The following FBXW7 variants were observed in gnomAD, a reference collection of about 807,000 sequenced individuals.
The protein encoded by FBXW7 is F-box and WD repeat domain containing 7, also known as F-box/WD repeat-containing protein 7.
In FBXW7, 11 loss-of-function variants were observed where a neutral mutation model predicts 86.3. The ratio of observed to expected loss-of-function variants is 0.13; its 90% CI spans 0.08 to 0.21. The LOEUF is 0.21. Ranked by LOEUF, FBXW7 falls within the 10% of genes least tolerant of loss-of-function variation. The pLI is 1.00. For synonymous variants in FBXW7, 313 were observed against 297.9 expected, an observed-to-expected ratio of 1.05 and a Z score of -0.52; for missense variants, 488 against 847.4, an observed-to-expected ratio of 0.58 and a Z score of 5.27.
intron 2 of FBXW7, among the ~76,000 whole-genome samples, chr4:152,499,692 C>G (rs751987679): frequency 2.6e-5 from 4 of 152,062 alleles, no homozygotes; most frequent in Non-Finnish European, 5.9e-5. Flanking sequence ...GGACCACAGG[C>G]TCACGCAGCC....
chr4:152,516,537 T>C (rs1748512823), intron 2 of FBXW7, among the ~76,000 whole-genome samples: 1 of 152,244 alleles, frequency 6.6e-6, no homozygotes, highest in African/African-American at 2.4e-5. Context: ...TGTAGAGCGA[T>C]GGAAAACTAA....
intron 3 of FBXW7, 68 bp from the exon 4 acceptor site, chr4:152,411,940 A>G: frequency 7.4e-7 from 1 of 1,350,136 alleles, no homozygotes; most frequent in Middle Eastern, 2.6e-4. Flanking sequence ...TTCATGTTAT[A>G]TGTCTACTTT....
intron 4 of FBXW7, among the ~76,000 whole-genome samples, chr4:152,365,579 G>C (rs1733405646): frequency 6.6e-6 from 1 of 152,174 alleles, no homozygotes; most frequent in Non-Finnish European, 1.5e-5. Flanking sequence ...AAGTAAAAAA[G>C]AGGAAGGTAT....
At chr4:152,360,657 C>T (rs1462879617) in intron 4 of FBXW7, among the ~76,000 whole-genome samples, 2 of 152,004 alleles carry the variant, frequency 1.3e-5, no homozygotes, top group East Asian at 3.9e-4. Flanking sequence ...TCTCAGAAAC[C>T]GTTCATCAGG....
At chr4:152,531,713 A>G (rs1750038692) in intron 2 of FBXW7, among the ~76,000 whole-genome samples, 1 of 152,180 alleles carries the variant, frequency 6.6e-6, no homozygotes, top group Non-Finnish European at 1.5e-5. Context: ...TCACTTCGTC[A>G]TATCAAGACC....
chr4:152,342,947 A>C (rs1730888557), intron 6 of FBXW7, among the ~76,000 whole-genome samples: 1 of 152,198 alleles, frequency 6.6e-6, no homozygotes, highest in Non-Finnish European at 1.5e-5. Flanking sequence ...TGTCCCAAAT[A>C]CAATTTCAAA....
At position 152,322,503 on chromosome 4, in the gene FBXW7, G is replaced by A. The variant is rs753031823; in HGVS notation, c.*378C>T. On this transcript the variant is annotated 3_prime_UTR_variant, in exon 14 of 14. Transcript: ENST00000281708. ...CCTTTCTAGGTGTCTAGCTGTCAGTGGTAAAAGAACAGGCTAGCAGAATCT... is the reference window on the plus strand; with the variant it reads ...CCTTTCTAGGTGTCTAGCTGTCAGTAGTAAAAGAACAGGCTAGCAGAATCT... The A allele has an allele frequency of 3.9e-6, 1 of 255,094 alleles. No individual in the cohort carries two copies. The highest frequency in any genetic ancestry group is 5.6e-5 in the East Asian group (1 of 17,836). 15.8% of individuals were successfully genotyped at this position (255,094 alleles called of 1,614,324 possible). A position where few individuals can be genotyped will look rare whatever the true frequency, so the allele number is the denominator to read the frequency against.
At chr4:152,407,115 T>C (rs1048618432) in intron 4 of FBXW7, among the ~76,000 whole-genome samples, 2 of 152,210 alleles carry the variant, frequency 1.3e-5, no homozygotes, top group Non-Finnish European at 2.9e-5. Flanking sequence ...ACTGAGATTA[T>C]ATACTCATGG....
chr4:152,336,579 T>C (rs1480529568), intron 7 of FBXW7, among the ~76,000 whole-genome samples: 1 of 152,106 alleles, frequency 6.6e-6, no homozygotes, highest in Non-Finnish European at 1.5e-5. Flanking sequence ...GTGTTTCCCA[T>C]TATTAATGCC....
At chr4:152,421,296 T>G (rs1369862112) in intron 2 of FBXW7, among the ~76,000 whole-genome samples, 2 of 152,248 alleles carry the variant, frequency 1.3e-5, no homozygotes, top group African/African-American at 4.8e-5. Context: ...GGGAATGTTA[T>G]GGTTGATTTG....
At position 152,337,945 on chromosome 4, in the gene FBXW7, G is replaced by A. The variant is rs778623815; in HGVS notation, c.727-9C>T. 1.3e-5 allele frequency: 20 copies of A among 1,590,098 alleles called. No homozygotes were observed. The African/African-American group carries it at 2.6e-4, about 21-fold the overall frequency. On this transcript the variant is annotated splice_polypyrimidine_tract_variant and intron_variant, in intron 6 of 13. Coordinates refer to ENST00000281708, the MANE Select transcript of FBXW7 (RefSeq NM_001349798.2). Reference sequence around the variant, plus strand: ...TCTGGTCCACTCCAGCTCTATCAAAGAGAATTAGAAATTTTTATTGTTTTA... The same window carrying A: ...TCTGGTCCACTCCAGCTCTATCAAAAAGAATTAGAAATTTTTATTGTTTTA...
chr4:152,456,204 A>G (rs1010477545), intron 2 of FBXW7, among the ~76,000 whole-genome samples: 10 of 152,096 alleles, frequency 6.6e-5, no homozygotes. Context: ...TTATAATTCA[A>G]TAATAAGACA....
At chr4:152,403,988 T>C (rs1737184423) in intron 4 of FBXW7, among the ~76,000 whole-genome samples, 1 of 152,226 alleles carries the variant, frequency 6.6e-6, no homozygotes, top group Admixed American at 6.5e-5. Context: ...CGGATACTAC[T>C]ATGCTATTAC....
At chr4:152,326,780 A>C (rs975230173) in intron 11 of FBXW7, among the ~76,000 whole-genome samples, 2 of 152,154 alleles carry the variant, frequency 1.3e-5, no homozygotes, top group Non-Finnish European at 1.5e-5. Context: ...CAGAATTTGG[A>C]ATTTAAACAG....
At chr4:152,391,546 C>A (rs1285086093) in intron 4 of FBXW7, among the ~76,000 whole-genome samples, 2 of 151,984 alleles carry the variant, frequency 1.3e-5, no homozygotes, top group African/African-American at 4.8e-5. Flanking sequence ...AGGAGACTAT[C>A]AGAGATCAGT....
At chr4:152,501,801 C>CA (rs760128824) in intron 2 of FBXW7, among the ~76,000 whole-genome samples, 53 of 152,040 alleles carry the variant, frequency 3.5e-4, no homozygotes, top group Non-Finnish European at 1.3e-4. Flanking sequence ...AATGATGAAA[C>CA]AGTCTTTAGA....
At chr4:152,362,238 C>A (rs1733032972) in intron 4 of FBXW7, among the ~76,000 whole-genome samples, 2 of 151,948 alleles carry the variant, frequency 1.3e-5, no homozygotes, top group African/African-American at 4.8e-5. Flanking sequence ...ATTGAGACCA[C>A]TTTTTAAAGC....
intron 2 of FBXW7, chr4:152,530,339 T>C (rs2149747154): frequency 6.6e-6 from 1 of 152,310 alleles, no homozygotes; most frequent in South Asian, 2.1e-4. Flanking sequence ...TTGACTCATA[T>C]TATTCAAACC....
chr4:152,506,321 C>T (rs1421612864), intron 2 of FBXW7, among the ~76,000 whole-genome samples: 1 of 152,040 alleles, frequency 6.6e-6, no homozygotes, highest in East Asian at 1.9e-4. Context: ...TTAGTAGAGA[C>T]GGGGTTTCAC....
Sources: allele counts gnomAD v4.1 joint callset (sites outside exome capture counted in the v4.1 genomes callset), GRCh38; gene constraint gnomAD v4.1.1; transcripts MANE v1.5; gene names NCBI Gene and HGNC (gene_info 2026-07-23, HGNC 2026-07-21).